The following CDKAL1 variants were observed in gnomAD, a reference collection of about 807,000 sequenced individuals.
CDKAL1 encodes threonylcarbamoyladenosine tRNA methylthiotransferase.
A neutral mutation model predicts 68.2 loss-of-function variants in CDKAL1; 32 were observed. The ratio of observed to expected loss-of-function variants is 0.47; its 90% CI spans 0.35 to 0.63. The LOEUF (loss-of-function observed/expected upper bound fraction) is 0.63, where lower values mean the gene tolerates loss of function less well. Among genes scored for constraint, CDKAL1 ranks in the 30% least tolerant of loss-of-function variants. The pLI is 0.00. For missense variants in CDKAL1, 606 were observed against 696.7 expected (o/e 0.87, Z 1.47); for synonymous variants, 234 against 244.3 (o/e 0.96, Z 0.39).
intron 4 of CDKAL1, among the ~76,000 whole-genome samples, chr6:20,565,250 G>A (rs951858981): frequency 1.3e-5 from 2 of 151,988 alleles, no homozygotes; most frequent in Admixed American, 6.6e-5. Context: ...TTTGTTGTGG[G>A]GGTAAGTTTA....
chr6:20,761,419 G>A (rs747516433), intron 7 of CDKAL1, among the ~76,000 whole-genome samples: 3 of 152,164 alleles, frequency 2.0e-5, no homozygotes, highest in Non-Finnish European at 2.9e-5. Context: ...TGTGCTACTT[G>A]ATATTTATCC....
In CDKAL1 at chr6:21,192,810, CTTT is replaced by C. The variant is rs34456723; in HGVS notation, c.1300-5192_1300-5190del. Among the ~76,000 whole-genome samples, 90 of 124,836 alleles carry C rather than the reference CTTT, an allele frequency of 7.2e-4. 1 individual carries two copies. Among genetic ancestry groups the C allele is most frequent in the African/African-American group, 2.5e-3 (80 of 32,464 alleles). 81.9% of individuals were successfully genotyped at this position (124,836 alleles called of 152,430 possible). On this transcript the variant is annotated intron_variant, in intron 13 of 15. Transcript: ENST00000274695. ...CAAGAAAATACTTTGTTGAGAGTTC[CTTT>C]TTTTTTTTTTTTTTTTTTAGAGATA...
intron 15 of CDKAL1, among the ~76,000 whole-genome samples, chr6:21,225,596 A>G (rs1779711357): frequency 6.6e-6 from 1 of 152,086 alleles, no homozygotes; most frequent in South Asian, 2.1e-4. Flanking sequence ...TAACTTCCTA[A>G]GGTAGATGGC....
chr6:20,654,575 T>C (rs1299158860), intron 5 of CDKAL1, among the ~76,000 whole-genome samples: 1 of 152,244 alleles, frequency 6.6e-6, no homozygotes, highest in Non-Finnish European at 1.5e-5. Context: ...TTCATGGTTT[T>C]ACCTTTTACA....
intron 11 of CDKAL1, among the ~76,000 whole-genome samples, chr6:21,013,797 G>C (rs1009380916): frequency 6.6e-6 from 1 of 152,096 alleles, no homozygotes; most frequent in Non-Finnish European, 1.5e-5. Context: ...GTCACATATA[G>C]TATCCCACTT....
intron 8 of CDKAL1, among the ~76,000 whole-genome samples, chr6:20,806,916 A>G (rs1338605644): frequency 6.6e-6 from 1 of 152,240 alleles, no homozygotes; most frequent in Non-Finnish European, 1.5e-5. Flanking sequence ...ATATGTGTGA[A>G]GCAGAACAAG....
intron 8 of CDKAL1, among the ~76,000 whole-genome samples, chr6:20,842,924 T>C (rs1248734235): frequency 2.0e-5 from 3 of 152,238 alleles, no homozygotes; most frequent in African/African-American, 7.2e-5. Context: ...TTTGAATTCT[T>C]CATGTAATAT....
chr6:20,665,325 A>G (rs1370280521), intron 5 of CDKAL1, among the ~76,000 whole-genome samples: 1 of 142,200 alleles, frequency 7.0e-6, no homozygotes, highest in Non-Finnish European at 1.5e-5. Flanking sequence ...TGTGATTAAT[A>G]TAAGGAAAAA....
chr6:21,071,107 A>G (rs1218795679), intron 12 of CDKAL1, among the ~76,000 whole-genome samples: 2 of 152,186 alleles, frequency 1.3e-5, no homozygotes, highest in South Asian at 2.1e-4. Flanking sequence ...ATAGATTTCC[A>G]TGTTCTAATT....
chr6:20,585,205 C>T lies in CDKAL1; in HGVS notation c.286+36500C>T, dbSNP rs182730178. The stretch of plus-strand genomic sequence containing the variant: ...CCCAGTAGCTGGGACTACAGGCGCC[C>T]ACCACCATGCTAATTTTTTTTTATT... On this transcript the variant is annotated intron_variant, in intron 4 of 15. Coordinates refer to ENST00000274695, the MANE Select transcript of CDKAL1 (RefSeq NM_017774.3). Among the ~76,000 whole-genome samples the T allele has an allele frequency of 1.9e-3, 290 of 152,132 alleles. 1 individual carries two copies. The highest frequency in any genetic ancestry group is 0.015 in the Admixed American group (236 of 15,274).
At chr6:20,987,028 A>G (rs545547912) in intron 10 of CDKAL1, among the ~76,000 whole-genome samples, 2 of 152,276 alleles carry the variant, frequency 1.3e-5, no homozygotes, top group South Asian at 4.1e-4. Context: ...TGGCTGTCCT[A>G]TATTCTTCTT....
chr6:21,181,017 G>A (rs1777767646), intron 13 of CDKAL1, among the ~76,000 whole-genome samples: 1 of 152,304 alleles, frequency 6.6e-6, no homozygotes, highest in Non-Finnish European at 1.5e-5. Flanking sequence ...ACTGCTGGCA[G>A]AGAGATCATG....
At chr6:20,577,019 G>A (rs1057123483) in intron 4 of CDKAL1, among the ~76,000 whole-genome samples, 1 of 151,928 alleles carries the variant, frequency 6.6e-6, no homozygotes, top group African/African-American at 2.4e-5. Flanking sequence ...TGAAATCTTG[G>A]TAGGCTATTT....
At chr6:20,878,030 T>G (rs961900191) in intron 9 of CDKAL1, among the ~76,000 whole-genome samples, 8 of 152,206 alleles carry the variant, frequency 5.3e-5, no homozygotes, top group Non-Finnish European at 1.2e-4. Context: ...AATTACCACA[T>G]TAGTTTTGAA....
chr6:21,000,145 T>A, intron 10 of CDKAL1, 82 bp from the exon 11 acceptor site: 2 of 1,041,044 alleles, frequency 1.9e-6, no homozygotes, highest in South Asian at 3.2e-5. Context: ...GTTTATTTGC[T>A]TGCGCTTGTG....
intron 10 of CDKAL1, among the ~76,000 whole-genome samples, chr6:20,963,125 G>A (rs949472688): frequency 2.0e-5 from 3 of 152,182 alleles, no homozygotes; most frequent in African/African-American, 4.8e-5. Context: ...CTCTCTGGAA[G>A]GGAGGATGTG....
intron 8 of CDKAL1, among the ~76,000 whole-genome samples, chr6:20,801,587 T>C (rs1452561054): frequency 6.6e-6 from 1 of 152,196 alleles, no homozygotes; most frequent in East Asian, 1.9e-4. Flanking sequence ...GACATCAGTA[T>C]TTGTAGGATT....
In CDKAL1 at chr6:21,089,014, C is replaced by T. The variant is rs569274394; in HGVS notation, c.1237-19387C>T. On this transcript the variant is annotated intron_variant, in intron 12 of 15. Transcript: ENST00000274695. ...ATTCTTTCCCATTATCTATGGATAC[C>T]GGGTCATGCACTATGCAACTTTACA... is the stretch of plus-strand genomic sequence containing the variant. Among the ~76,000 whole-genome samples, 52 of 152,184 alleles carry T rather than the reference C, an allele frequency of 3.4e-4. 1 individual carries two copies. Among genetic ancestry groups the T allele is most frequent in the African/African-American group, 1.1e-3 (47 of 41,520 alleles).
chr6:20,578,376 C>T (rs1185001558), intron 4 of CDKAL1, among the ~76,000 whole-genome samples: 1 of 152,120 alleles, frequency 6.6e-6, no homozygotes, highest in Non-Finnish European at 1.5e-5. Flanking sequence ...GCAGCAGCCA[C>T]TTTCTGATTC....
Sources: gnomAD v4.1 joint callset for allele counts (sites outside exome capture counted in the v4.1 genomes callset) on GRCh38, gnomAD v4.1.1 for gene constraint, MANE v1.5 for transcripts, NCBI Gene and HGNC (gene_info 2026-07-23, HGNC 2026-07-21) for gene names.